LPAR1: variants seen among roughly 807,000 people sequenced by gnomAD.
The protein encoded by LPAR1 is LPA receptor 1.
In LPAR1, 5 loss-of-function variants were observed where a neutral mutation model predicts 23.8. The observed-to-expected ratio is 0.21, with a 90% CI of 0.11 to 0.44. LPAR1 has a LOEUF of 0.44. LPAR1 is among the 20% of genes least tolerant of loss of function. The probability of loss-of-function intolerance (pLI) is 0.99; values close to 1 mark genes in which losing one functional copy is unlikely to be tolerated. For missense variants in LPAR1, 311 were observed against 482.8 expected (o/e 0.64, Z 3.33); for synonymous variants, 160 against 164.7 (o/e 0.97, Z 0.22).
chr9:110,902,858 A>C (rs546537947), intron 5 of LPAR1, among the ~76,000 whole-genome samples: 1 of 152,322 alleles, frequency 6.6e-6, no homozygotes, highest in South Asian at 2.1e-4. Context: ...AGGCATCATG[A>C]GGCTCTACTG....
At chr9:110,900,627 G>A (rs1032292149) in intron 5 of LPAR1, among the ~76,000 whole-genome samples, 1 of 152,038 alleles carries the variant, frequency 6.6e-6, no homozygotes. Context: ...ACAGTTTCTG[G>A]CACCATTCCC....
chr9:110,935,591 C>A (rs2094648634), intron 5 of LPAR1, among the ~76,000 whole-genome samples: 3 of 152,140 alleles, frequency 2.0e-5, no homozygotes, highest in Admixed American at 2.0e-4. Flanking sequence ...GAGTTCAACA[C>A]CAGCCTAGGC....
chr9:110,955,739 T>A (rs2095717299), intron 4 of LPAR1, among the ~76,000 whole-genome samples: 1 of 144,604 alleles, frequency 6.9e-6, no homozygotes. Context: ...CACAAATCAA[T>A]TACAAGAGTA....
intron 2 of LPAR1, among the ~76,000 whole-genome samples, chr9:111,034,041 C>T (rs914296907): frequency 6.6e-6 from 1 of 152,198 alleles, no homozygotes; most frequent in Non-Finnish European, 1.5e-5. Flanking sequence ...AAATGGATCC[C>T]ACAGAGTGAA....
In LPAR1 at chr9:111,008,946, G is replaced by A. The variant is rs565001016; in HGVS notation, c.-182+27176C>T. On this transcript the variant is annotated intron_variant, in intron 2 of 5. Coordinates refer to ENST00000683809, the MANE Select transcript of LPAR1 (RefSeq NM_001351411.2). ...AAACATGAGCTTACATTGGGAGAATGGGGAGTGGGGTGGGATCGCAAAGCA... is the reference window on the plus strand; with the variant it reads ...AAACATGAGCTTACATTGGGAGAATAGGGAGTGGGGTGGGATCGCAAAGCA... Among the ~76,000 whole-genome samples, 3 of 152,238 alleles carry A rather than the reference G, an allele frequency of 2.0e-5. No homozygotes were observed. In the South Asian group the frequency reaches 6.2e-4, roughly 32 times the overall value.
chr9:111,014,344 C>T (rs2097395392), intron 2 of LPAR1, among the ~76,000 whole-genome samples: 1 of 152,134 alleles, frequency 6.6e-6, no homozygotes. Context: ...TCTCTCGGCG[C>T]CTCTTCCAAG....
At chr9:110,888,684 C>G (rs561510) in intron 5 of LPAR1, among the ~76,000 whole-genome samples, 126,542 of 152,120 alleles carry the variant, frequency 0.83, 53,037 homozygotes, top group African/African-American at 0.94. Context: ...TTTGGAGACT[C>G]TGGAAGAGCA....
At chr9:110,896,784 A>T (rs2086487749) in intron 5 of LPAR1, among the ~76,000 whole-genome samples, 1 of 141,412 alleles carries the variant, frequency 7.1e-6, no homozygotes, top group Admixed American at 7.4e-5. Context: ...TATTTAGTGA[A>T]ATCTTTTTTT....
chr9:110,981,327 T>C (rs1289413261), intron 2 of LPAR1, among the ~76,000 whole-genome samples: 1 of 152,116 alleles, frequency 6.6e-6, no homozygotes, highest in South Asian at 2.1e-4. Context: ...CCTGCCAGTA[T>C]GACCTTGGGC....
chr9:110,931,565 C>T (rs1353073313), intron 5 of LPAR1, among the ~76,000 whole-genome samples: 2 of 152,172 alleles, frequency 1.3e-5, no homozygotes, highest in African/African-American at 4.8e-5. Context: ...GTTGCCATTG[C>T]TTTTGGTGTT....
intron 5 of LPAR1, among the ~76,000 whole-genome samples, chr9:110,898,856 T>C (rs577809127): frequency 1.3e-5 from 2 of 152,252 alleles, no homozygotes; most frequent in Non-Finnish European, 2.9e-5. Context: ...TTTCACGTAA[T>C]GTGTGTCACC....
intron 5 of LPAR1, among the ~76,000 whole-genome samples, chr9:110,901,855 A>G (rs776080990): frequency 3.5e-4 from 54 of 152,286 alleles, no homozygotes; most frequent in Middle Eastern, 3.4e-3. Flanking sequence ...GCCACTAACT[A>G]AATTCATTTT....
intron 5 of LPAR1, among the ~76,000 whole-genome samples, chr9:110,916,417 G>A (rs1252682856): frequency 6.6e-6 from 1 of 152,176 alleles, no homozygotes; most frequent in Non-Finnish European, 1.5e-5. Context: ...TCAAAATGGT[G>A]GTGGTCAAGT....
At chr9:111,014,432 C>T (rs945896271) in intron 2 of LPAR1, among the ~76,000 whole-genome samples, 2 of 152,090 alleles carry the variant, frequency 1.3e-5, no homozygotes, top group Admixed American at 6.5e-5. Context: ...AAGAAGCCCC[C>T]CAAACTCCCA....
rs116607418 is a variant in LPAR1, at chr9:110,919,929, C to T, written c.793+21492G>A. 7.0e-3 allele frequency among the ~76,000 whole-genome samples: 1,067 copies of T among 152,290 alleles called. 14 individuals carry two copies. The highest frequency in any genetic ancestry group is 0.024 in the African/African-American group (1,014 of 41,552). ...CAATGCCTTCAACCCCAAAGCTGCACATCTATGTACGTAGTTGTTCTCCCT... is the reference window on the plus strand; with the variant it reads ...CAATGCCTTCAACCCCAAAGCTGCATATCTATGTACGTAGTTGTTCTCCCT... On this transcript the variant is annotated intron_variant, in intron 5 of 5. Transcript: ENST00000683809.
At chr9:110,953,731 C>T (rs2095645950) in intron 4 of LPAR1, among the ~76,000 whole-genome samples, 5 of 151,586 alleles carry the variant, frequency 3.3e-5, no homozygotes, top group Admixed American at 2.6e-4. Context: ...ATGGAGACTA[C>T]ACTACTTCAC....
intron 2 of LPAR1, among the ~76,000 whole-genome samples, chr9:110,991,088 G>A (rs893941512): frequency 1.3e-5 from 2 of 152,112 alleles, no homozygotes; most frequent in Admixed American, 6.6e-5. Flanking sequence ...ACTGAAAAGG[G>A]TCATAAACCT....
intron 4 of LPAR1, among the ~76,000 whole-genome samples, chr9:110,968,267 T>C (rs2096284338): frequency 6.6e-6 from 1 of 152,158 alleles, no homozygotes; most frequent in African/African-American, 2.4e-5. Context: ...GTGGCTGATT[T>C]CAAGCTGCTG....
chr9:110,886,603 A>C (rs2082494110), intron 5 of LPAR1, among the ~76,000 whole-genome samples: 1 of 152,176 alleles, frequency 6.6e-6, no homozygotes, highest in Non-Finnish European at 1.5e-5. Flanking sequence ...CTCAGTCTTC[A>C]CTTTGCTGTA....
Sources: allele counts gnomAD v4.1 joint callset (sites outside exome capture counted in the v4.1 genomes callset), GRCh38; gene constraint gnomAD v4.1.1; transcripts MANE v1.5; gene names NCBI Gene and HGNC (gene_info 2026-07-23, HGNC 2026-07-21).